The following HYDIN variants were observed in gnomAD, a reference collection of about 807,000 sequenced individuals.
The protein encoded by HYDIN is axonemal central pair apparatus protein HYDIN.
In HYDIN, 132 loss-of-function variants were observed where a neutral mutation model predicts 403.9. The observed-to-expected ratio is 0.33, with a 90% CI of 0.28 to 0.38. HYDIN has a LOEUF of 0.38. Ranked by LOEUF, HYDIN falls within the 10% of genes least tolerant of loss-of-function variation. HYDIN has a pLI of 1.00. For missense variants in HYDIN, 2,827 were observed against 5,009.5 expected (o/e 0.56, Z 13.15); for synonymous variants, 1,202 against 1,891.7 (o/e 0.64, Z 9.46).
At position 70,868,744 on chromosome 16, in the gene HYDIN, G is replaced by T. The variant is rs771180825; in HGVS notation, c.11136C>A (p.Thr3712=). ...GGTTGATGGGTACATCTGACTTCAT[G>T]GTCACCACTATGTCCTTGGCACACC... ...HPGCAKDIVV[T]MKSDVPINLK... is the part of the protein sequence containing the mutation. The change falls in exon 66 of 86, where the codon ACC becomes ACA. Residue 3712 remains threonine (T), a synonymous_variant. Coordinates refer to ENST00000393567, the MANE Select transcript of HYDIN (RefSeq NM_001270974.2). 8.7e-6 allele frequency: 14 copies of T among 1,613,866 alleles called. No homozygotes were observed. The African/African-American group carries it at 1.6e-4, about 18-fold the overall frequency.
At chr16:71,221,553 C>T (rs2089201683) in intron 1 of HYDIN, among the ~76,000 whole-genome samples, 1 of 151,940 alleles carries the variant, frequency 6.6e-6, no homozygotes, top group African/African-American at 2.4e-5. Flanking sequence ...AACAAGCATA[C>T]TAAGAGAGTG....
At chr16:70,883,039 G>C in intron 59 of HYDIN, 144 bp from the exon 60 acceptor site, 5 of 652,868 alleles carry the variant, frequency 7.7e-6, no homozygotes, top group Non-Finnish European at 1.1e-5. Context: ...GTGAGGGATG[G>C]GAAACATTCT....
chr16:70,878,461 TAAC>T (rs1349703887), intron 62 of HYDIN, among the ~76,000 whole-genome samples: 2 of 131,982 alleles, frequency 1.5e-5, no homozygotes, highest in Non-Finnish European at 3.1e-5. Context: ...GTATAAACAA[TAAC>T]AACAACAGCA....
At chr16:71,041,442 T>C (rs2081283745) in intron 18 of HYDIN, among the ~76,000 whole-genome samples, 1 of 152,240 alleles carries the variant, frequency 6.6e-6, no homozygotes, top group South Asian at 2.1e-4. Flanking sequence ...GCATTGCTTA[T>C]AGTAGTAAAA....
Position 70,901,016 on chromosome 16 carries a change from A to G in HYDIN, c.9036T>C (p.Ala3012=). Residue 3012 remains alanine, a synonymous_variant, in exon 53 of 86, where the codon GCT becomes GCC. Coordinates refer to ENST00000393567, the MANE Select transcript of HYDIN (RefSeq NM_001270974.2). ...TGTGAAGCCTCACCTCCAACCGAAT[A>G]GCCTTCTTGATGTTGACAGGCTTGG... is the stretch of plus-strand genomic sequence containing the variant. ...QPTKPVNIKK[A]IRLEVLDAEN... is the part of the protein sequence containing the mutation. 1.6e-6 allele frequency: 1 copy of G among 623,516 alleles called. No homozygotes were observed. Among genetic ancestry groups the G allele is most frequent in the Non-Finnish European group, 2.8e-6 (1 of 357,762 alleles). The allele number at this position is 623,516 out of a possible 1,614,324, so 38.6% of individuals were successfully genotyped here. A position where few individuals can be genotyped will look rare whatever the true frequency, so the allele number is the denominator to read the frequency against.
At chr16:71,056,317 G>GA (rs944980558) in intron 18 of HYDIN, among the ~76,000 whole-genome samples, 39 of 151,872 alleles carry the variant, frequency 2.6e-4, no homozygotes, top group Admixed American at 1.6e-3. Context: ...TTTTTACACT[G>GA]AAAATAAATT....
chr16:71,040,205 T>G (rs1227904255), intron 18 of HYDIN, among the ~76,000 whole-genome samples: 3 of 152,074 alleles, frequency 2.0e-5, no homozygotes, highest in Non-Finnish European at 4.4e-5. Flanking sequence ...TCAGCACTCA[T>G]GCATTCCAGT....
At chr16:71,080,566 C>CAG (rs2082755991) in intron 12 of HYDIN, among the ~76,000 whole-genome samples, 1 of 120,338 alleles carries the variant, frequency 8.3e-6, no homozygotes, top group Non-Finnish European at 1.6e-5. Flanking sequence ...ATTTCTCTCT[C>CAG]AGTGTAAGGC....
intron 28 of HYDIN, among the ~76,000 whole-genome samples, chr16:70,982,759 G>T (rs1042374851): frequency 7.3e-5 from 9 of 122,716 alleles, no homozygotes; most frequent in African/African-American, 2.4e-4. Flanking sequence ...TTAAAAACTA[G>T]TTTCCTACTG....
At position 70,979,026 on chromosome 16, in the gene HYDIN, T is replaced by C. The variant is rs1288583582; in HGVS notation, c.4526A>G (p.Glu1509Gly). The C allele has an allele frequency of 3.1e-6, 5 of 1,612,042 alleles. No individual in the cohort carries two copies. The South Asian group carries it at 4.4e-5, about 14-fold the overall frequency. The change falls in exon 30 of 86, where the codon GAA becomes GGA. Residue 1509 changes from glutamate (E) to glycine (G), a missense_variant. Transcript: ENST00000393567. ...PRNLTANEKY[E>G]MFLNQARKNT... The stretch of plus-strand genomic sequence containing the variant: ...TTTCCTGGCTTGATTCAAGAACATT[T>C]CATACTTTTCATTTGCTGTACCAGG...
At chr16:70,916,923 T>G (rs939875390) in intron 47 of HYDIN, among the ~76,000 whole-genome samples, 6 of 152,000 alleles carry the variant, frequency 3.9e-5, no homozygotes, top group African/African-American at 1.5e-4. Context: ...TCCTTCCGTC[T>G]TTCTTTTCTT....
At chr16:71,195,751 T>C (rs1056028749) in intron 1 of HYDIN, among the ~76,000 whole-genome samples, 2 of 152,190 alleles carry the variant, frequency 1.3e-5, no homozygotes, top group African/African-American at 4.8e-5. Flanking sequence ...TTCTTATATC[T>C]TAGGTAGATA....
chr16:71,069,737 A>G (rs2082399915), intron 13 of HYDIN, among the ~76,000 whole-genome samples: 1 of 152,194 alleles, frequency 6.6e-6, no homozygotes, highest in South Asian at 2.1e-4. Flanking sequence ...AATATTTACT[A>G]TGCATTTACT....
intron 80 of HYDIN, among the ~76,000 whole-genome samples, chr16:70,831,284 T>G (rs1208117518): frequency 6.6e-6 from 1 of 151,566 alleles, no homozygotes; most frequent in Non-Finnish European, 1.5e-5. Flanking sequence ...CCAAGTTGAG[T>G]GGATTGCCTG....
chr16:70,995,707 G>A (rs74748798), intron 23 of HYDIN, among the ~76,000 whole-genome samples: 4 of 152,024 alleles, frequency 2.6e-5, no homozygotes, highest in Non-Finnish European at 4.4e-5. Context: ...TGAAGTCTGC[G>A]CAGTGTAGTC....
intron 1 of HYDIN, among the ~76,000 whole-genome samples, chr16:71,208,330 TA>T (rs1451797640): frequency 1.3e-5 from 2 of 151,788 alleles, no homozygotes; most frequent in Non-Finnish European, 2.9e-5. Context: ...CTTGGGTAAA[TA>T]ATGAAATCAA....
chr16:70,813,500 G>A (rs1597017532), intron 84 of HYDIN, among the ~76,000 whole-genome samples: 2 of 151,034 alleles, frequency 1.3e-5, no homozygotes, highest in South Asian at 4.2e-4. Flanking sequence ...CCAGTCTCCT[G>A]AGAGACCCTG....
chr16:71,079,840 A>G (rs773454059), intron 13 of HYDIN, 45 bp downstream of exon 13: 8 of 917,320 alleles, frequency 8.7e-6, no homozygotes, highest in South Asian at 1.4e-5. Context: ...ACGTAGAGAA[A>G]AGGAATCCTA....
chr16:70,857,653 A>T, intron 72 of HYDIN, 52 bp downstream of exon 72: 1 of 1,061,112 alleles, frequency 9.4e-7, no homozygotes, highest in East Asian at 2.6e-5. Flanking sequence ...GCTCTTGATG[A>T]CCTTGCCCAG....
Sources: allele counts gnomAD v4.1 joint callset (sites outside exome capture counted in the v4.1 genomes callset), GRCh38; gene constraint gnomAD v4.1.1; transcripts MANE v1.5; gene names NCBI Gene and HGNC (gene_info 2026-07-23, HGNC 2026-07-21).